The following TFDP1 variants were observed in gnomAD, a reference collection of about 807,000 sequenced individuals.
TFDP1 encodes the protein DRTF1-polypeptide 1.
A neutral mutation model predicts 48.0 loss-of-function variants in TFDP1; 6 were observed. The ratio of observed to expected loss-of-function variants is 0.13; its 90% CI spans 0.07 to 0.25. The LOEUF is 0.25. Among genes scored for constraint, TFDP1 ranks in the 10% least tolerant of loss-of-function variants. The pLI is 1.00. For synonymous variants in TFDP1, 201 were observed against 211.6 expected (o/e 0.95, Z 0.44); for missense variants, 335 against 543.0 (o/e 0.62, Z 3.81).
rs557119927 is a variant in TFDP1 at position 113,611,611 on chromosome 13, T to A, written c.79+549T>A. Among the ~76,000 whole-genome samples, 34 of 152,352 alleles carry A rather than the reference T, an allele frequency of 2.2e-4. No homozygotes were observed. The South Asian group carries it at 7.0e-3, about 32-fold the overall frequency. On this transcript the variant is annotated intron_variant, in intron 3 of 11. Coordinates refer to ENST00000375370, the MANE Select transcript of TFDP1 (RefSeq NM_007111.5). ...TCTTCCAGGGTCCCACGGTTGGTAG[T>A]TTCCATTTTACACCTCGGAGTGGTG...
chr13:113,615,439 C>T (rs1389374023), intron 3 of TFDP1, among the ~76,000 whole-genome samples: 3 of 152,194 alleles, frequency 2.0e-5, no homozygotes, highest in Non-Finnish European at 4.4e-5. Context: ...TGCCTGCACT[C>T]TCCTCCCTGA....
intron 3 of TFDP1, among the ~76,000 whole-genome samples, chr13:113,612,241 G>A (rs925309091): frequency 6.6e-6 from 1 of 152,120 alleles, no homozygotes; most frequent in African/African-American, 2.4e-5. Flanking sequence ...TCTCCTTGGG[G>A]CCTGTCCCTA....
intron 5 of TFDP1, among the ~76,000 whole-genome samples, chr13:113,632,676 G>A (rs556043685): frequency 6.6e-6 from 1 of 152,356 alleles, no homozygotes; most frequent in South Asian, 2.1e-4. Context: ...TACTCGGGAG[G>A]CTGAGGCAGG....
Position 113,595,259 on chromosome 13 carries a change from C to G in TFDP1, c.12+9410C>G, listed in dbSNP as rs549553272. 6.1e-4 allele frequency among the ~76,000 whole-genome samples: 93 copies of G among 152,320 alleles called. 1 individual carries two copies. The highest frequency in any genetic ancestry group is 1.9e-3 in the African/African-American group (78 of 41,562). ...AAATCTCTTGGCTCTGGACTGAACG[C>G]CCCTTCTTGGAGAGTGGGCCACCCC... is the stretch of plus-strand genomic sequence containing the variant. On this transcript the variant is annotated intron_variant, in intron 2 of 11. Transcript: ENST00000375370.
chr13:113,637,986 C>T (rs887468502), intron 11 of TFDP1, 90 bp downstream of exon 11: 2 of 1,533,348 alleles, frequency 1.3e-6, no homozygotes, highest in South Asian at 2.5e-5. Flanking sequence ...CAGGTGTGGC[C>T]ATCAGGTCTG....
At chr13:113,615,580 C>G (rs1015795168) in intron 3 of TFDP1, among the ~76,000 whole-genome samples, 1 of 152,110 alleles carries the variant, frequency 6.6e-6, no homozygotes, top group Admixed American at 6.6e-5. Context: ...TAGAGGTGAT[C>G]CAGGCTCACT....
At position 113,584,766 on chromosome 13, in the gene TFDP1, C is replaced by CA. The variant is rs1279658461; in HGVS notation, c.-186dup. ...CGTCCCGGCGCCACTCGGCCCAGGGCAGGGACCCCGCCACGGCCGGGACCG... is the reference window on the plus strand; with the variant it reads ...CGTCCCGGCGCCACTCGGCCCAGGGCAAGGGACCCCGCCACGGCCGGGACCG... On this transcript the variant is annotated 5_prime_UTR_variant, in exon 1 of 12. Transcript: ENST00000375370. The CA allele has an allele frequency of 6.8e-6, 1 of 146,530 alleles. No individual in the cohort carries two copies. The highest frequency in any genetic ancestry group is 6.8e-5 in the Admixed American group (1 of 14,750). The allele number at this position is 146,530 out of a possible 1,614,324, so 9.1% of individuals were successfully genotyped here. A position where few individuals can be genotyped will look rare whatever the true frequency, so the allele number is the denominator to read the frequency against.
intron 9 of TFDP1, 99 bp downstream of exon 9, chr13:113,636,227 C>G: frequency 2.8e-6 from 4 of 1,452,336 alleles, no homozygotes; most frequent in Non-Finnish European, 3.8e-6. Context: ...AAATGTTGTA[C>G]AAATAGCAAA....
At chr13:113,603,063 G>T (rs1164035047) in intron 2 of TFDP1, among the ~76,000 whole-genome samples, 3 of 152,188 alleles carry the variant, frequency 2.0e-5, no homozygotes, top group Admixed American at 6.5e-5. Context: ...ACACAGGTCG[G>T]ATAAGCCTGG....
At chr13:113,636,797 A>C (rs1199517422) in intron 10 of TFDP1, 97 bp downstream of exon 10, 2 of 1,404,536 alleles carry the variant, frequency 1.4e-6, no homozygotes, top group African/African-American at 1.6e-5. Context: ...TGTCTTGCTG[A>C]GATCAGGCCC....
chr13:113,617,591 G>GCCCTTCACCTGCAGAA (rs1566659568), intron 3 of TFDP1, among the ~76,000 whole-genome samples: 5 of 137,834 alleles, frequency 3.6e-5, no homozygotes, highest in Non-Finnish European at 5.9e-5. Context: ...CACCTGCAGA[G>GCCCTTCACCTGCAGAA]CCCTTCACCT....
At chr13:113,635,670 A>C (rs1336481529) in intron 8 of TFDP1, among the ~76,000 whole-genome samples, 1 of 152,184 alleles carries the variant, frequency 6.6e-6, no homozygotes, top group Non-Finnish European at 1.5e-5. Flanking sequence ...GGGGTGAAGG[A>C]CAGCAAGGAA....
chr13:113,597,482 C>G (rs2048313945), intron 2 of TFDP1, among the ~76,000 whole-genome samples: 1 of 152,190 alleles, frequency 6.6e-6, no homozygotes, highest in Non-Finnish European at 1.5e-5. Context: ...CTGTGTGAGG[C>G]AGGGGTCCCG....
intron 9 of TFDP1, 68 bp downstream of exon 9, chr13:113,636,196 ATT>A: frequency 6.4e-7 from 1 of 1,561,780 alleles, no homozygotes; most frequent in South Asian, 1.2e-5. Flanking sequence ...CCCTGTTGGT[ATT>A]GTCACTAGGA....
chr13:113,586,140 T>A (rs1030586706), intron 2 of TFDP1: 2 of 310,916 alleles, frequency 6.4e-6, no homozygotes, highest in Non-Finnish European at 1.2e-5. Flanking sequence ...TTGATAATTT[T>A]AAATAAACGC....
At chr13:113,589,521 C>T (rs923958000) in intron 2 of TFDP1, among the ~76,000 whole-genome samples, 3 of 152,194 alleles carry the variant, frequency 2.0e-5, no homozygotes, top group Admixed American at 6.5e-5. Flanking sequence ...CTGGGAGGTC[C>T]GTACAGACTC....
intron 2 of TFDP1, among the ~76,000 whole-genome samples, chr13:113,610,512 G>A (rs1479171328): frequency 1.3e-5 from 2 of 148,568 alleles, no homozygotes; most frequent in African/African-American, 5.1e-5. Context: ...TGCCCCCGCT[G>A]TGTGGTTGTG....
At chr13:113,629,761 A>G (rs558282671) in intron 4 of TFDP1, among the ~76,000 whole-genome samples, 1 of 144,974 alleles carries the variant, frequency 6.9e-6, no homozygotes, top group Non-Finnish European at 1.5e-5. Flanking sequence ...TCCTCGTTGT[A>G]AGTCAGTTCC....
At chr13:113,589,426 G>A (rs973328449) in intron 2 of TFDP1, among the ~76,000 whole-genome samples, 1 of 152,152 alleles carries the variant, frequency 6.6e-6, no homozygotes, top group Admixed American at 6.5e-5. Flanking sequence ...GGATTTCCTT[G>A]CTGTGGGGAC....
Sources: gnomAD v4.1 joint callset for allele counts (sites outside exome capture counted in the v4.1 genomes callset) on GRCh38, gnomAD v4.1.1 for gene constraint, MANE v1.5 for transcripts, NCBI Gene and HGNC (gene_info 2026-07-23, HGNC 2026-07-21) for gene names.